Variants in RTTN observed in about 807,000 individuals in gnomAD.
RTTN encodes the protein rotatin.
Under a neutral mutation model 269.2 loss-of-function variants are expected in RTTN, and 182 were observed. The ratio of observed to expected loss-of-function variants is 0.68; its 90% CI spans 0.60 to 0.76. The LOEUF (loss-of-function observed/expected upper bound fraction) is 0.76. Among genes scored for constraint, RTTN ranks in the 30% least tolerant of loss-of-function variants. RTTN has a pLI of 0.00. For missense variants in RTTN, 2,545 were observed against 2,608.6 expected (o/e 0.98, Z 0.53); for synonymous variants, 1,006 against 963.5 (o/e 1.04, Z -0.82).
chr18:70,167,257 C>T (rs561559073), intron 12 of RTTN, among the ~76,000 whole-genome samples: 1 of 152,310 alleles, frequency 6.6e-6, no homozygotes, highest in South Asian at 2.1e-4. Flanking sequence ...TATTATTTAA[C>T]TCTGAGTAAG....
At position 70,190,714 on chromosome 18, in the gene RTTN, C is replaced by T. The variant is rs1182830778; in HGVS notation, c.1013G>A (p.Ser338Asn). The T allele has an allele frequency of 6.3e-7, 1 of 1,597,752 alleles. No individual in the cohort carries two copies. Among genetic ancestry groups the T allele is most frequent in the South Asian group, 1.1e-5 (1 of 90,162 alleles). ...QDWDAASSSG[S>N]SSHAHVNSRI... Reference sequence around the variant, plus strand: ...GGAGTTTACATGAGCATGACTACTACTTCCACTGCAAGATAAACAAATGAT... The same window carrying T: ...GGAGTTTACATGAGCATGACTACTATTTCCACTGCAAGATAAACAAATGAT... The change falls in exon 9 of 49, where the codon AGT becomes AAT. Residue 338 changes from serine to asparagine, a missense_variant. Transcript: ENST00000640769.
intron 18 of RTTN, among the ~76,000 whole-genome samples, chr18:70,144,601 C>T (rs200958672): frequency 6.6e-6 from 1 of 152,198 alleles, no homozygotes; most frequent in East Asian, 1.9e-4. Flanking sequence ...AATGCCCTCT[C>T]CCCGCCTTCC....
In RTTN at chr18:70,204,221, C is replaced by T; in HGVS notation, c.262G>A (p.Glu88Lys). ...TTAGACCGAAGCTTAGATAAGAACT[C>T]TACTGCACCAACGTCAACCAAATGT... ...VQHLVDVGAV[E>K]FLSKLRSNVE... Residue 88 changes from glutamate to lysine, a missense_variant, in exon 3 of 49, where the codon GAG (glutamate) becomes AAG (lysine). Glu to Lys is a moderately conservative substitution (Grantham distance 56). Transcript: ENST00000640769. The T allele has an allele frequency of 6.2e-7, 1 of 1,613,662 alleles. No homozygotes were observed. Among genetic ancestry groups the T allele is most frequent in the Non-Finnish European group, 8.5e-7 (1 of 1,179,930 alleles).
rs74926472 is a variant in RTTN at position 70,132,684 on chromosome 18, C to A, written c.2954+1789G>T. On this transcript the variant is annotated intron_variant, in intron 23 of 48. Transcript: ENST00000640769. ...TTGATAGCTTTAAATGAAAGGGCGG[C>A]TAATAATCAATGGCCAATCCTCCAG... 4.4e-3 allele frequency among the ~76,000 whole-genome samples: 672 copies of A among 151,994 alleles called. 33 individuals carry two copies. The East Asian group carries it at 0.11, about 25-fold the overall frequency.
At chr18:70,035,404 G>T (rs2057141920) in intron 40 of RTTN, among the ~76,000 whole-genome samples, 1 of 152,008 alleles carries the variant, frequency 6.6e-6, no homozygotes, top group Non-Finnish European at 1.5e-5. Context: ...AGAAATAAGG[G>T]TGTACACCTA....
intron 26 of RTTN, among the ~76,000 whole-genome samples, chr18:70,117,501 TGTG>T (rs1205414800): frequency 6.6e-6 from 1 of 152,034 alleles, no homozygotes; most frequent in Non-Finnish European, 1.5e-5. Context: ...TTATAACACT[TGTG>T]GTGATAATAT....
intron 32 of RTTN, among the ~76,000 whole-genome samples, chr18:70,083,999 A>C (rs1329769064): frequency 6.6e-6 from 1 of 152,106 alleles, no homozygotes; most frequent in African/African-American, 2.4e-5. Flanking sequence ...CTCAGCTATA[A>C]TATTATTCAT....
intron 10 of RTTN, among the ~76,000 whole-genome samples, chr18:70,180,105 T>C (rs537678076): frequency 6.6e-6 from 1 of 151,498 alleles, no homozygotes; most frequent in East Asian, 1.9e-4. Flanking sequence ...TGGTTCATTC[T>C]CACGCTCCGC....
intron 35 of RTTN, 122 bp from the exon 36 acceptor site, chr18:70,060,164 A>G: frequency 1.1e-6 from 1 of 912,348 alleles, no homozygotes. Context: ...GAATTGCCTT[A>G]GCTTCTTGGC....
At chr18:70,148,674 C>T (rs760614944) in intron 17 of RTTN, among the ~76,000 whole-genome samples, 15 of 152,192 alleles carry the variant, frequency 9.9e-5, no homozygotes, top group Admixed American at 2.6e-4. Context: ...AGTCCTGTAA[C>T]ACAGGCTGAT....
chr18:70,027,910 C>A (rs145829161), intron 43 of RTTN, among the ~76,000 whole-genome samples: 1 of 152,134 alleles, frequency 6.6e-6, no homozygotes, highest in African/African-American at 2.4e-5. Flanking sequence ...TATGGTTTTT[C>A]CAGTTGTGCT....
At chr18:70,057,271 T>TA (rs2057845356) in intron 37 of RTTN, among the ~76,000 whole-genome samples, 1 of 152,256 alleles carries the variant, frequency 6.6e-6, no homozygotes, top group Non-Finnish European at 1.5e-5. Flanking sequence ...ATTCTAGCTA[T>TA]AGGCAAGAAT....
Position 70,176,755 on chromosome 18 carries a change from G to A in RTTN, c.1396C>T (p.Leu466Phe), listed in dbSNP as rs968889319. 1.2e-6 allele frequency: 2 copies of A among 1,614,126 alleles called. No homozygotes were observed. Among genetic ancestry groups the A allele is most frequent in the Non-Finnish European group, 1.7e-6 (2 of 1,179,982 alleles). Reference sequence around the variant, plus strand: ...ATAAAGGCCATTCTGTGGTGCACAAGCATCACCTCTGGCTGCTCCAAACTG... The same window carrying A: ...ATAAAGGCCATTCTGTGGTGCACAAACATCACCTCTGGCTGCTCCAAACTG... ...SISLEQPEVM[L>F]VHHRMAFISI... Residue 466 changes from leucine to phenylalanine, a missense_variant, in exon 11 of 49, where the codon CTT becomes TTT. Coordinates refer to ENST00000640769, the MANE Select transcript of RTTN (RefSeq NM_173630.4).
intron 9 of RTTN, among the ~76,000 whole-genome samples, chr18:70,190,237 A>G (rs2061638963): frequency 6.6e-6 from 1 of 152,074 alleles, no homozygotes; most frequent in Admixed American, 6.5e-5. Context: ...AAAGAAAAAA[A>G]TAGATGACAG....
At chr18:70,120,120 A>T (rs923846649) in intron 26 of RTTN, among the ~76,000 whole-genome samples, 4 of 152,088 alleles carry the variant, frequency 2.6e-5, no homozygotes, top group Non-Finnish European at 5.9e-5. Flanking sequence ...ATGGGTTATC[A>T]TGGAAGGGGA....
At chr18:70,144,913 T>C (rs142112778) in intron 18 of RTTN, among the ~76,000 whole-genome samples, 81 of 152,316 alleles carry the variant, frequency 5.3e-4, no homozygotes, top group African/African-American at 1.9e-3. Flanking sequence ...AACACAGGAA[T>C]GAATCCATGA....
At chr18:70,174,852 C>G (rs568480780) in intron 11 of RTTN, among the ~76,000 whole-genome samples, 13 of 148,116 alleles carry the variant, frequency 8.8e-5, no homozygotes, top group Non-Finnish European at 1.8e-4. Context: ...GAAATCTGGT[C>G]TCTACTAAAA....
chr18:70,154,931 T>C (rs1246212219), intron 14 of RTTN, among the ~76,000 whole-genome samples: 1 of 152,178 alleles, frequency 6.6e-6, no homozygotes, highest in Non-Finnish European at 1.5e-5. Flanking sequence ...TTATCAAATA[T>C]CTACTCATAT....
intron 28 of RTTN, among the ~76,000 whole-genome samples, chr18:70,094,908 A>G (rs2145270609): frequency 6.6e-6 from 1 of 152,048 alleles, no homozygotes; most frequent in East Asian, 1.9e-4. Flanking sequence ...GAGGTGTTAA[A>G]GTCTCCCACT....
Sources: gnomAD v4.1 joint callset for allele counts (sites outside exome capture counted in the v4.1 genomes callset) on GRCh38, gnomAD v4.1.1 for gene constraint, MANE v1.5 for transcripts, NCBI Gene and HGNC (gene_info 2026-07-23, HGNC 2026-07-21) for gene names.